The following SCEL variants were observed in gnomAD, a reference collection of about 807,000 sequenced individuals.
SCEL encodes the protein sciellin.
A neutral mutation model predicts 117.6 loss-of-function variants in SCEL; 113 were observed. That is an observed-to-expected ratio of 0.96 (90% CI 0.83 to 1.12). The LOEUF (loss-of-function observed/expected upper bound fraction) is 1.12, where lower values mean the gene tolerates loss of function less well. Among genes scored for constraint, SCEL ranks in the 50% most tolerant of loss-of-function variants. The pLI is 0.00. For synonymous variants in SCEL, 270 were observed against 256.2 expected (o/e 1.05, Z -0.51); for missense variants, 785 against 810.8 (o/e 0.97, Z 0.39).
intron 23 of SCEL, among the ~76,000 whole-genome samples, chr13:77,613,438 TA>T (rs1179593954): frequency 6.6e-6 from 1 of 152,196 alleles, no homozygotes; most frequent in Admixed American, 6.5e-5. Flanking sequence ...CAAAAGTTAA[TA>T]AAAGCATGGC....
chr13:77,544,378 G>T (rs1471173150), intron 1 of SCEL, among the ~76,000 whole-genome samples: 3 of 152,190 alleles, frequency 2.0e-5, no homozygotes, highest in Non-Finnish European at 4.4e-5. Context: ...GAGTGGTAAA[G>T]ACTTCGTGAG....
chr13:77,644,187 T>C, intron 32 of SCEL, 71 bp from the exon 33 acceptor site: 2 of 1,526,816 alleles, frequency 1.3e-6, no homozygotes, highest in East Asian at 4.5e-5. Flanking sequence ...GGGTGAATAA[T>C]AGTCTGTAAA....
At chr13:77,564,102 A>C (rs1295616189) in intron 5 of SCEL, among the ~76,000 whole-genome samples, 1 of 152,110 alleles carries the variant, frequency 6.6e-6, no homozygotes, top group African/African-American at 2.4e-5. Context: ...AAATCTTTTT[A>C]ATAGTAGATT....
At chr13:77,576,508 C>T (rs140157003) in intron 9 of SCEL, among the ~76,000 whole-genome samples, 18 of 152,248 alleles carry the variant, frequency 1.2e-4, no homozygotes, top group African/African-American at 2.4e-4. Context: ...AGGGTTTCAC[C>T]GGCCATTTGT....
intron 1 of SCEL, among the ~76,000 whole-genome samples, chr13:77,548,418 G>A (rs1309749206): frequency 6.6e-6 from 1 of 152,210 alleles, no homozygotes; most frequent in Non-Finnish European, 1.5e-5. Flanking sequence ...AGGCAAGGAG[G>A]GTCAGATGGT....
At position 77,593,528 on chromosome 13, in the gene SCEL, A is replaced by T; in HGVS notation, c.707A>T (p.Asp236Val). 2 of 1,612,804 alleles carry T rather than the reference A, an allele frequency of 1.2e-6. No individual in the cohort carries two copies. Among genetic ancestry groups the T allele is most frequent in the Non-Finnish European group, 1.7e-6 (2 of 1,179,096 alleles). Residue 236 changes from aspartate (D) to valine (V), a missense_variant, in exon 12 of 33, where the codon GAT becomes GTT. By Grantham distance (152) the Asp-to-Val change is radical. Transcript: ENST00000349847. ...AERNIRSQDL[D>V]NIVKVATSLQ... ...ATTGTTTGAAGGAGTCAGGATCTTG[A>T]TAACATCGTCAAAGTGGCCACTTCA...
At chr13:77,627,184 T>A (rs538842917) in intron 27 of SCEL, among the ~76,000 whole-genome samples, 8 of 152,282 alleles carry the variant, frequency 5.3e-5, no homozygotes, top group African/African-American at 1.7e-4. Flanking sequence ...TAAGAATTGA[T>A]TTCAGGTGGG....
chr13:77,642,915 T>G, intron 32 of SCEL, 107 bp downstream of exon 32: 1 of 558,490 alleles, frequency 1.8e-6, no homozygotes, highest in Non-Finnish European at 3.1e-6. Flanking sequence ...ACTAGTTATA[T>G]TTAGTTAATA....
At chr13:77,610,503 A>G (rs563098008) in intron 22 of SCEL, among the ~76,000 whole-genome samples, 1 of 152,184 alleles carries the variant, frequency 6.6e-6, no homozygotes, top group Non-Finnish European at 1.5e-5. Flanking sequence ...GAGACAACCA[A>G]TGATGGGACC....
intron 2 of SCEL, 55 bp downstream of exon 2, chr13:77,555,973 A>T (rs1392158942): frequency 1.5e-6 from 2 of 1,329,578 alleles, no homozygotes; most frequent in Non-Finnish European, 2.2e-6. Context: ...TGGAAAAACA[A>T]CTCACAGATC....
chr13:77,642,795 C>T lies in SCEL; in HGVS notation c.2037C>T (p.Tyr679=), dbSNP rs762552452. ...YRQTIHCEPC[Y]SKIMAKWIP is the part of the protein sequence containing the mutation. The stretch of plus-strand genomic sequence containing the variant: ...AGACAATACACTGTGAACCTTGCTA[C>T]TCTAAAATTATGGGTAAGTGTTACA... Residue 679 remains tyrosine, a synonymous_variant, in exon 32 of 33, where the codon TAC becomes TAT. Transcript: ENST00000349847. The T allele has an allele frequency of 1.3e-6, 2 of 1,586,874 alleles. No individual in the cohort carries two copies. Among genetic ancestry groups the T allele is most frequent in the South Asian group, 1.1e-5 (1 of 87,630 alleles).
intron 1 of SCEL, among the ~76,000 whole-genome samples, chr13:77,538,998 T>G (rs2083557300): frequency 6.6e-6 from 1 of 152,244 alleles, no homozygotes; most frequent in Admixed American, 6.5e-5. Flanking sequence ...TGGAGAAAAC[T>G]ATCCCTATTG....
At chr13:77,551,015 G>T (rs985123196) in intron 1 of SCEL, among the ~76,000 whole-genome samples, 1 of 152,176 alleles carries the variant, frequency 6.6e-6, no homozygotes, top group Non-Finnish European at 1.5e-5. Flanking sequence ...CTGCATCCAC[G>T]TTCCCACTCT....
chr13:77,553,136 C>T (rs928221384), intron 1 of SCEL, among the ~76,000 whole-genome samples: 16 of 152,214 alleles, frequency 1.1e-4, no homozygotes, highest in African/African-American at 3.9e-4. Context: ...CTTCAACATA[C>T]GAATTTTGGA....
intron 21 of SCEL, 106 bp from the exon 22 acceptor site, chr13:77,609,938 TTTA>T: frequency 1.8e-6 from 1 of 566,836 alleles, no homozygotes; most frequent in South Asian, 3.9e-5. Flanking sequence ...GATCTCTAAT[TTTA>T]TTATTTTAAT....
At chr13:77,602,254 G>C in intron 16 of SCEL, 130 bp downstream of exon 16, 2 of 652,718 alleles carry the variant, frequency 3.1e-6, no homozygotes, top group South Asian at 4.8e-5. Context: ...ATCAGACCTA[G>C]TAGGCAAAAG....
At chr13:77,629,184 C>T (rs999410459) in intron 28 of SCEL, among the ~76,000 whole-genome samples, 3 of 152,092 alleles carry the variant, frequency 2.0e-5, no homozygotes, top group African/African-American at 7.2e-5. Context: ...CATTGCCGGG[C>T]CTCAGAGAGA....
In SCEL at chr13:77,612,871, GA is replaced by G; in HGVS notation, c.1338-17del. The G allele has an allele frequency of 6.9e-7, 1 of 1,459,192 alleles. No individual in the cohort carries two copies. Among genetic ancestry groups the G allele is most frequent in the East Asian group, 2.4e-5 (1 of 41,476 alleles). The allele number at this position is 1,459,192 out of a possible 1,614,324, so 90.4% of individuals were successfully genotyped here. A position where few individuals can be genotyped will look rare whatever the true frequency, so the allele number is the denominator to read the frequency against. On this transcript the variant is annotated intron_variant, in intron 22 of 32. Transcript: ENST00000349847. The stretch of plus-strand genomic sequence containing the variant: ...TTGGATTTTAGTTGACTTAGCTATT[GA>G]AACTTAACATTTTTTTAGGAACCAA...
chr13:77,631,881 A>G (rs947022739), intron 28 of SCEL, among the ~76,000 whole-genome samples: 1 of 152,218 alleles, frequency 6.6e-6, no homozygotes, highest in African/African-American at 2.4e-5. Context: ...GACAATGGAC[A>G]TTTATTTTCT....
Sources: allele counts gnomAD v4.1 joint callset (sites outside exome capture counted in the v4.1 genomes callset), GRCh38; gene constraint gnomAD v4.1.1; transcripts MANE v1.5; gene names NCBI Gene and HGNC (gene_info 2026-07-23, HGNC 2026-07-21).